Variants in OPRK1 observed in about 807,000 individuals in gnomAD.
OPRK1 encodes opioid receptor kappa 1.
In OPRK1, 15 loss-of-function variants were observed where a neutral mutation model predicts 24.5. The observed-to-expected ratio is 0.61, with a 90% CI of 0.41 to 0.94. The LOEUF (loss-of-function observed/expected upper bound fraction) is 0.94. OPRK1 is among the 40% of genes least tolerant of loss of function. The pLI is 0.00. For missense variants in OPRK1, 479 were observed against 507.3 expected, an observed-to-expected ratio of 0.94 and a Z score of 0.54; for synonymous variants, 205 against 198.0, an observed-to-expected ratio of 1.04 and a Z score of -0.30.
chr8:53,245,720 T>C (rs1585522119), intron 2 of OPRK1, among the ~76,000 whole-genome samples: 1 of 152,186 alleles, frequency 6.6e-6, no homozygotes, highest in Non-Finnish European at 1.5e-5. Context: ...ATGAGTCACC[T>C]TGGCCAGGCT....
chr8:53,232,533 T>A (rs146733784), intron 3 of OPRK1, among the ~76,000 whole-genome samples: 1 of 152,320 alleles, frequency 6.6e-6, no homozygotes, highest in African/African-American at 2.4e-5. Flanking sequence ...TATGAATTCA[T>A]AAAAACTAAG....
Position 53,227,992 on chromosome 8 carries a change from A to T in OPRK1, c.*1305T>A, listed in dbSNP as rs1313560185. ...TTTCAGGGGGAAAAAGAGGGAATTT[A>T]TATGTCATCTGGAAGTTTTAGCAAA... On this transcript the variant is annotated 3_prime_UTR_variant, in exon 4 of 4. Transcript: ENST00000265572. The T allele has an allele frequency of 6.6e-6, 1 of 152,210 alleles. No homozygotes were observed. The highest frequency in any genetic ancestry group is 1.5e-5 in the Non-Finnish European group (1 of 68,036). 9.4% of individuals were successfully genotyped at this position (152,210 alleles called of 1,614,324 possible).
chr8:53,242,119 T>G (rs61038889), intron 2 of OPRK1, among the ~76,000 whole-genome samples: 17,760 of 152,228 alleles, frequency 0.12, 1,296 homozygotes, highest in Admixed American at 0.21. Flanking sequence ...TTAAAATTAG[T>G]TTTCCTATTT....
chr8:53,231,679 T>C (rs796408414), intron 3 of OPRK1, among the ~76,000 whole-genome samples: 3 of 152,330 alleles, frequency 2.0e-5, no homozygotes, highest in African/African-American at 7.2e-5. Flanking sequence ...ACTGAATCCC[T>C]GGCACCTAGG....
intron 2 of OPRK1, among the ~76,000 whole-genome samples, chr8:53,246,262 A>C (rs1807224905): frequency 6.6e-6 from 1 of 152,170 alleles, no homozygotes; most frequent in Non-Finnish European, 1.5e-5. Context: ...ACACAAGCCA[A>C]GTGAAAGTGG....
At chr8:53,246,292 A>G (rs969573572) in intron 2 of OPRK1, among the ~76,000 whole-genome samples, 2 of 152,172 alleles carry the variant, frequency 1.3e-5, no homozygotes, top group African/African-American at 4.8e-5. Flanking sequence ...AGCATCTGAA[A>G]CACACACCAG....
rs1459670102 is a variant in OPRK1, at chr8:53,235,128, A to G, written c.258-17T>C. On this transcript the variant is annotated splice_polypyrimidine_tract_variant and intron_variant, in intron 2 of 3. Coordinates refer to ENST00000265572, the MANE Select transcript of OPRK1 (RefSeq NM_000912.5). ...TTTGTGTATCTAAAAGAAAAGAAAC[A>G]ATAGCATTTCCCTCCATTTTCAAGT... is the stretch of plus-strand genomic sequence containing the variant. 3 of 1,596,580 alleles carry G rather than the reference A, an allele frequency of 1.9e-6. No individual in the cohort carries two copies. In the African/African-American group the frequency reaches 4.0e-5, roughly 21 times the overall value.
chr8:53,242,661 T>C (rs968184516), intron 2 of OPRK1: 2 of 303,380 alleles, frequency 6.6e-6, no homozygotes, highest in South Asian at 4.8e-5. Context: ...CGCCCGCCAC[T>C]ACGCCCGGCT....
chr8:53,241,082 C>G (rs1229048516), intron 2 of OPRK1, among the ~76,000 whole-genome samples: 1 of 152,084 alleles, frequency 6.6e-6, no homozygotes, highest in Non-Finnish European at 1.5e-5. Context: ...CCACAAATGT[C>G]CCACTCTGGG....
intron 2 of OPRK1, among the ~76,000 whole-genome samples, chr8:53,246,962 A>G (rs1334145220): frequency 6.6e-6 from 1 of 152,238 alleles, no homozygotes; most frequent in Non-Finnish European, 1.5e-5. Flanking sequence ...TTAGGGTCAG[A>G]TATACTTGAA....
chr8:53,234,906 C>T lies in OPRK1; in HGVS notation c.463G>A (p.Asp155Asn). 3 of 1,614,112 alleles carry T rather than the reference C, an allele frequency of 1.9e-6. No individual in the cohort carries two copies. The highest frequency in any genetic ancestry group is 2.5e-6 in the Non-Finnish European group (3 of 1,180,026). ...SIFTLTMMSV[D>N]RYIAVCHPVK... is the part of the protein sequence containing the mutation. ...GGGTGGCACACGGCAATGTAGCGGT[C>T]CACGCTCATCATGGTCAAGGTGAAG... is the stretch of plus-strand genomic sequence containing the variant. Residue 155 changes from aspartate (D) to asparagine (N), a missense_variant, in exon 3 of 4, where the codon GAC becomes AAC. Asp to Asn is a conservative substitution (Grantham distance 23). Transcript: ENST00000265572.
intron 2 of OPRK1, among the ~76,000 whole-genome samples, chr8:53,244,273 G>A (rs1173395325): frequency 6.6e-6 from 1 of 152,190 alleles, no homozygotes; most frequent in Non-Finnish European, 1.5e-5. Flanking sequence ...TCAGTGGACT[G>A]GGGAAGAAAC....
At chr8:53,247,990 C>CAAAAAAAAA (rs767911838) in intron 2 of OPRK1, among the ~76,000 whole-genome samples, 2 of 32,364 alleles carry the variant, frequency 6.2e-5, no homozygotes, top group Non-Finnish European at 1.1e-4. Flanking sequence ...GATTCTGTCT[C>CAAAAAAAAA]AAAAAAAAAA....
rs887931769 is a variant in OPRK1, at chr8:53,227,786, G to A, written c.*1511C>T. On this transcript the variant is annotated 3_prime_UTR_variant, in exon 4 of 4. Coordinates refer to ENST00000265572, the MANE Select transcript of OPRK1 (RefSeq NM_000912.5). ...ATACACCACCGAGAACTTGCATGGT[G>A]AACAGAACTTAACAGTTGTAATGAT... The A allele has an allele frequency of 1.3e-5, 2 of 151,856 alleles. No homozygotes were observed. The highest frequency in any genetic ancestry group is 4.8e-5 in the African/African-American group (2 of 41,320). The allele number at this position is 151,856 out of a possible 1,614,324, so 9.4% of individuals were successfully genotyped here.
chr8:53,239,975 G>T (rs1807078987), intron 2 of OPRK1, among the ~76,000 whole-genome samples: 1 of 152,180 alleles, frequency 6.6e-6, no homozygotes, highest in South Asian at 2.1e-4. Flanking sequence ...TTTTATCAGA[G>T]AAATAAATAC....
rs200606552 is a variant in OPRK1, at chr8:53,225,791, T to C, written c.*3506A>G. 1 of 152,666 alleles carries C rather than the reference T, an allele frequency of 6.6e-6. No individual in the cohort carries two copies. The allele number at this position is 152,666 out of a possible 1,614,324, so 9.5% of individuals were successfully genotyped here. A position where few individuals can be genotyped will look rare whatever the true frequency, so the allele number is the denominator to read the frequency against. On this transcript the variant is annotated 3_prime_UTR_variant, in exon 4 of 4. Transcript: ENST00000265572. ...CAATCGTATATACAATGCATAATTA[T>C]CATCTTTTAAAGTACAAGATAAAAA...
intron 2 of OPRK1, among the ~76,000 whole-genome samples, chr8:53,247,813 T>C (rs1585524101): frequency 6.6e-6 from 1 of 151,546 alleles, no homozygotes; most frequent in South Asian, 2.1e-4. Flanking sequence ...CTGCACAACA[T>C]GGTGCAACTC....
Position 53,250,881 on chromosome 8 carries a change from G to A in OPRK1, c.157C>T (p.His53Tyr). ...GSEDAQLEPA[H>Y]ISPAIPVIIT... ...ATGACCGGGATGGCCGGGGAGATGT[G>A]CGCGGGCTCCAGCTGCGCGTCCTCC... Residue 53 changes from histidine (H) to tyrosine (Y), a missense_variant, in exon 2 of 4, where the codon CAC (histidine) becomes TAC (tyrosine). Coordinates refer to ENST00000265572, the MANE Select transcript of OPRK1 (RefSeq NM_000912.5). 1.2e-6 allele frequency: 2 copies of A among 1,613,070 alleles called. No homozygotes were observed. The highest frequency in any genetic ancestry group is 1.7e-6 in the Non-Finnish European group (2 of 1,179,704).
At chr8:53,237,514 C>T (rs1240239429) in intron 2 of OPRK1, among the ~76,000 whole-genome samples, 4 of 152,180 alleles carry the variant, frequency 2.6e-5, no homozygotes, top group African/African-American at 9.7e-5. Context: ...GCGTCAGGAC[C>T]TCTGCCATGC....
Sources: gnomAD v4.1 joint callset for allele counts (sites outside exome capture counted in the v4.1 genomes callset) on GRCh38, gnomAD v4.1.1 for gene constraint, MANE v1.5 for transcripts, NCBI Gene and HGNC (gene_info 2026-07-23, HGNC 2026-07-21) for gene names.